CDH13: variants seen among roughly 807,000 people sequenced by gnomAD.
CDH13 encodes cadherin-13.
A neutral mutation model predicts 63.8 loss-of-function variants in CDH13; 24 were observed. The observed-to-expected ratio is 0.38, with a 90% CI of 0.27 to 0.53. The LOEUF (loss-of-function observed/expected upper bound fraction) is 0.53. CDH13 is among the 20% of genes least tolerant of loss of function. The pLI, the probability that CDH13 is intolerant of heterozygous loss-of-function variation, is 0.85. For synonymous variants in CDH13, 503 were observed against 355.3 expected (o/e 1.42, Z -4.67); for missense variants, 1,049 against 903.1 (o/e 1.16, Z -2.07).
At chr16:82,706,511 G>A (rs186303510) in intron 1 of CDH13, among the ~76,000 whole-genome samples, 6 of 152,064 alleles carry the variant, frequency 3.9e-5, no homozygotes, top group Admixed American at 6.6e-5. Flanking sequence ...GCAAAGTGCT[G>A]GTAGGAGTTT....
intron 2 of CDH13, among the ~76,000 whole-genome samples, chr16:83,021,723 T>G (rs1377112784): frequency 6.6e-6 from 1 of 152,222 alleles, no homozygotes; most frequent in Non-Finnish European, 1.5e-5. Flanking sequence ...ACTTACCAAA[T>G]TCTATAAAGC....
At position 83,605,255 on chromosome 16, in the gene CDH13, G is replaced by C. The variant is rs116555711; in HGVS notation, c.1101+2661G>C. Among the ~76,000 whole-genome samples, 199 of 152,290 alleles carry C rather than the reference G, an allele frequency of 1.3e-3. 1 individual carries two copies. The highest frequency in any genetic ancestry group is 4.4e-3 in the African/African-American group (183 of 41,548). On this transcript the variant is annotated intron_variant, in intron 8 of 13. Transcript: ENST00000567109. The stretch of plus-strand genomic sequence containing the variant: ...ATCAGATGAAAGGAAGTGATAACAA[G>C]TACACTAGACTCTCATTTGGATATT...
chr16:83,435,985 C>T (rs1316237877), intron 6 of CDH13, among the ~76,000 whole-genome samples: 1 of 152,092 alleles, frequency 6.6e-6, no homozygotes, highest in Non-Finnish European at 1.5e-5. Context: ...TCCATGATCC[C>T]CAAGGATACA....
intron 10 of CDH13, among the ~76,000 whole-genome samples, chr16:83,691,670 A>G (rs1213518724): frequency 1.3e-5 from 2 of 152,048 alleles, no homozygotes; most frequent in East Asian, 1.9e-4. Context: ...ACCGCAAATC[A>G]GCATATCCTG....
intron 8 of CDH13, among the ~76,000 whole-genome samples, chr16:83,619,828 C>T (rs1158497753): frequency 1.3e-5 from 2 of 152,218 alleles, no homozygotes; most frequent in Non-Finnish European, 2.9e-5. Flanking sequence ...GTTCAGATTT[C>T]AGTGTATCCT....
chr16:83,767,474 C>A (rs543002717), intron 11 of CDH13, among the ~76,000 whole-genome samples: 1 of 152,296 alleles, frequency 6.6e-6, no homozygotes, highest in East Asian at 1.9e-4. Flanking sequence ...TTATGTGGAA[C>A]TGTGAGTCAA....
At chr16:83,049,587 A>G (rs4783310) in intron 3 of CDH13, among the ~76,000 whole-genome samples, 128,011 of 152,054 alleles carry the variant, frequency 0.84, 54,520 homozygotes, top group East Asian at 0.98. Flanking sequence ...CGCCTGCCTC[A>G]GCCTCCCAGA....
intron 1 of CDH13, among the ~76,000 whole-genome samples, chr16:82,645,002 C>A (rs889297652): frequency 6.6e-6 from 1 of 152,084 alleles, no homozygotes; most frequent in Admixed American, 6.6e-5. Flanking sequence ...TGTTTTTTCA[C>A]AAATGAAAGT....
chr16:82,885,955 C>G (rs2040873540), intron 2 of CDH13, among the ~76,000 whole-genome samples: 1 of 152,110 alleles, frequency 6.6e-6, no homozygotes, highest in Non-Finnish European at 1.5e-5. Context: ...CATTATTATC[C>G]TCTTGCTAAC....
intron 3 of CDH13, among the ~76,000 whole-genome samples, chr16:83,036,067 T>G (rs911290951): frequency 4.6e-5 from 7 of 151,804 alleles, no homozygotes; most frequent in African/African-American, 1.7e-4. Context: ...TGTTTCTTGC[T>G]CTGGACACTT....
intron 1 of CDH13, among the ~76,000 whole-genome samples, chr16:82,784,641 A>G (rs1436637147): frequency 6.6e-6 from 1 of 152,184 alleles, no homozygotes; most frequent in African/African-American, 2.4e-5. Flanking sequence ...AATTAATTAC[A>G]CTTTGGATAA....
chr16:83,353,449 C>T (rs552620556), intron 6 of CDH13, among the ~76,000 whole-genome samples: 42 of 152,384 alleles, frequency 2.8e-4, no homozygotes, highest in African/African-American at 7.5e-4. Flanking sequence ...GCTGCTGGCT[C>T]ATGGGAGCTG....
intron 5 of CDH13, among the ~76,000 whole-genome samples, chr16:83,219,121 G>C (rs117596494): frequency 6.6e-6 from 1 of 152,140 alleles, no homozygotes; most frequent in Non-Finnish European, 1.5e-5. Flanking sequence ...TCTCAGTGCT[G>C]CTGCGTACTG....
chr16:83,173,711 A>T (rs8058726), intron 4 of CDH13, among the ~76,000 whole-genome samples: 55,153 of 151,866 alleles, frequency 0.36, 11,595 homozygotes, highest in African/African-American at 0.57. Context: ...AACTATAGAG[A>T]ACACAGCCAA....
intron 5 of CDH13, among the ~76,000 whole-genome samples, chr16:83,272,547 G>T (rs1179842500): frequency 6.6e-6 from 1 of 152,166 alleles, no homozygotes; most frequent in African/African-American, 2.4e-5. Context: ...TAGATTTATA[G>T]ATATCCAGCG....
At chr16:82,850,054 G>A (rs184273724) in intron 1 of CDH13, among the ~76,000 whole-genome samples, 12 of 152,204 alleles carry the variant, frequency 7.9e-5, no homozygotes, top group African/African-American at 2.4e-4. Context: ...TTTTCAGCCC[G>A]TGAATCCAGA....
chr16:83,277,918 A>C (rs1219411709), intron 5 of CDH13, among the ~76,000 whole-genome samples: 1 of 152,304 alleles, frequency 6.6e-6, no homozygotes, highest in Middle Eastern at 3.4e-3. Context: ...AAACTAAATA[A>C]ATGTATTTAA....
At chr16:83,313,140 T>A (rs1173254007) in intron 5 of CDH13, among the ~76,000 whole-genome samples, 1 of 152,178 alleles carries the variant, frequency 6.6e-6, no homozygotes, top group Non-Finnish European at 1.5e-5. Context: ...TTTTAAACAC[T>A]TGTAAAAATC....
chr16:83,080,062 A>G (rs2033127195), intron 3 of CDH13, among the ~76,000 whole-genome samples: 1 of 152,166 alleles, frequency 6.6e-6, no homozygotes, highest in African/African-American at 2.4e-5. Context: ...CATCAAATTT[A>G]TTTTATTAGG....
Sources: allele counts gnomAD v4.1 joint callset (sites outside exome capture counted in the v4.1 genomes callset), GRCh38; gene constraint gnomAD v4.1.1; transcripts MANE v1.5; gene names NCBI Gene and HGNC (gene_info 2026-07-23, HGNC 2026-07-21).